The following DAG1 variants were observed in gnomAD, a reference collection of about 807,000 sequenced individuals.
The protein encoded by DAG1 is dystroglycan 1 (dystrophin-associated glycoprotein 1).
In DAG1, 8 loss-of-function variants were observed where a neutral mutation model predicts 46.1. The ratio of observed to expected loss-of-function variants is 0.17; its 90% CI spans 0.10 to 0.31. The LOEUF (loss-of-function observed/expected upper bound fraction) is 0.31, where lower values mean the gene tolerates loss of function less well. DAG1 is among the 10% of genes least tolerant of loss of function. DAG1 has a pLI of 1.00. For synonymous variants in DAG1, 495 were observed against 481.8 expected (o/e 1.03, Z -0.36); for missense variants, 1,003 against 1,189.9 (o/e 0.84, Z 2.31).
chr3:49,484,542 G>A (rs1049090093), intron 1 of DAG1, among the ~76,000 whole-genome samples: 3 of 152,128 alleles, frequency 2.0e-5, no homozygotes, highest in African/African-American at 4.8e-5. Context: ...AAATGGCTCC[G>A]TATGCTTTCT....
chr3:49,490,719 GCTAC>G (rs2050159025), intron 1 of DAG1, among the ~76,000 whole-genome samples: 1 of 151,518 alleles, frequency 6.6e-6, no homozygotes, highest in South Asian at 2.1e-4. Context: ...GCAGGTGCAG[GCTAC>G]CATGCTGGCC....
intron 1 of DAG1, among the ~76,000 whole-genome samples, chr3:49,474,229 T>A (rs1296604896): frequency 6.6e-6 from 1 of 151,400 alleles, no homozygotes; most frequent in African/African-American, 2.4e-5. Flanking sequence ...TGATTTTTTT[T>A]ATTTTTAGTC....
chr3:49,493,904 G>A (rs1165286532), intron 1 of DAG1, among the ~76,000 whole-genome samples: 1 of 152,228 alleles, frequency 6.6e-6, no homozygotes, highest in Non-Finnish European at 1.5e-5. Context: ...GCAGAGCAGG[G>A]ATTGCGAGAA....
At chr3:49,516,526 TA>T (rs2050902663) in intron 2 of DAG1, among the ~76,000 whole-genome samples, 1 of 152,266 alleles carries the variant, frequency 6.6e-6, no homozygotes, top group Admixed American at 6.5e-5. Flanking sequence ...CCTGTCCCTC[TA>T]ACACTTGACT....
At chr3:49,489,401 C>T (rs993748629) in intron 1 of DAG1, among the ~76,000 whole-genome samples, 3 of 152,096 alleles carry the variant, frequency 2.0e-5, no homozygotes, top group Admixed American at 6.6e-5. Context: ...CCTTGAATTA[C>T]TTTTATTGCA....
intron 2 of DAG1, among the ~76,000 whole-genome samples, chr3:49,519,057 C>A (rs892396270): frequency 3.3e-5 from 5 of 152,164 alleles, no homozygotes; most frequent in African/African-American, 1.2e-4. Flanking sequence ...GCCAACCTGG[C>A]CTTCACTCAG....
At chr3:49,478,802 C>CTTTTTTTTTTTTTTTTTTTTTTTTTT (rs201202889) in intron 1 of DAG1, among the ~76,000 whole-genome samples, 2 of 75,998 alleles carry the variant, frequency 2.6e-5, no homozygotes, top group Non-Finnish European at 4.8e-5. Flanking sequence ...CGTCCCCTCC[C>CTTTTTTTTTTTTTTTTTTTTTTTTTT]TTTTTTTTTT....
At chr3:49,510,099 G>A (rs541665769) in intron 1 of DAG1, 179 of 312,602 alleles carry the variant, frequency 5.7e-4, no homozygotes, top group African/African-American at 3.4e-3. Flanking sequence ...TTTATTGAAT[G>A]TATCTGACTG....
intron 1 of DAG1, among the ~76,000 whole-genome samples, chr3:49,478,912 C>G (rs1392274004): frequency 7.1e-6 from 1 of 139,890 alleles, no homozygotes; most frequent in Non-Finnish European, 1.5e-5. Context: ...CTCCCGGGTT[C>G]AAGCGATTCT....
intron 1 of DAG1, among the ~76,000 whole-genome samples, chr3:49,474,619 T>C (rs1228066855): frequency 6.6e-6 from 1 of 152,088 alleles, no homozygotes; most frequent in Non-Finnish European, 1.5e-5. Context: ...ATGCTAGGAT[T>C]ACAGGCACGA....
At chr3:49,527,555 T>C (rs1434540739) in intron 2 of DAG1, among the ~76,000 whole-genome samples, 4 of 145,988 alleles carry the variant, frequency 2.7e-5, no homozygotes, top group Non-Finnish European at 1.5e-5. Flanking sequence ...CACGAAAAAT[T>C]AGCCAGGCGT....
chr3:49,506,748 T>C (rs2050615979), intron 1 of DAG1, among the ~76,000 whole-genome samples: 1 of 152,136 alleles, frequency 6.6e-6, no homozygotes, highest in South Asian at 2.1e-4. Context: ...GTTTTCATGA[T>C]AGATACTGGT....
At chr3:49,482,373 A>G (rs936730597) in intron 1 of DAG1, among the ~76,000 whole-genome samples, 5 of 152,204 alleles carry the variant, frequency 3.3e-5, no homozygotes, top group African/African-American at 1.2e-4. Context: ...AGCCGCTTGC[A>G]GTTGAGATAG....
intron 2 of DAG1, among the ~76,000 whole-genome samples, chr3:49,527,394 G>A (rs1383493603): frequency 6.6e-6 from 1 of 152,176 alleles, no homozygotes; most frequent in Non-Finnish European, 1.5e-5. Flanking sequence ...CACGGTGGCG[G>A]GCGCCTGTAG....
In DAG1 at chr3:49,510,530, C is replaced by T. The variant is rs755168020; in HGVS notation, c.-5C>T. Reference sequence around the variant, plus strand: ...ACTATCGACTTGAGCAAACTTGGACCTGGGATGAGGATGTCTGTGGGCCTC... The same window carrying T: ...ACTATCGACTTGAGCAAACTTGGACTTGGGATGAGGATGTCTGTGGGCCTC... On this transcript the variant is annotated 5_prime_UTR_variant, in exon 2 of 3. Transcript: ENST00000308775. 6 of 1,612,616 alleles carry T rather than the reference C, an allele frequency of 3.7e-6. No individual in the cohort carries two copies. The highest frequency in any genetic ancestry group is 1.7e-5 in the Admixed American group (1 of 59,974).
At chr3:49,496,572 G>A (rs1438046084) in intron 1 of DAG1, among the ~76,000 whole-genome samples, 5 of 151,966 alleles carry the variant, frequency 3.3e-5, no homozygotes, top group Admixed American at 6.6e-5. Context: ...ATATTGGCCA[G>A]GCTGGTCTTG....
Position 49,533,799 on chromosome 3 carries a change from C to T in DAG1, c.*600C>T, listed in dbSNP as rs56242255. On this transcript the variant is annotated 3_prime_UTR_variant, in exon 3 of 3. Coordinates refer to ENST00000308775, the MANE Select transcript of DAG1 (RefSeq NM_004393.6). ...CAGGGTGTTTCAAACTTAGAGAAGA[C>T]CAAGGGACAGTATTTTTTATCAAAG... 103 of 200,826 alleles carry T rather than the reference C, an allele frequency of 5.1e-4. No homozygotes were observed. Among genetic ancestry groups the T allele is most frequent in the Non-Finnish European group, 7.2e-4 (70 of 96,988 alleles). The allele number at this position is 200,826 out of a possible 1,614,324, so 12.4% of individuals were successfully genotyped here. A position where few individuals can be genotyped will look rare whatever the true frequency, so the allele number is the denominator to read the frequency against.
chr3:49,506,864 C>T (rs1057011591), intron 1 of DAG1, among the ~76,000 whole-genome samples: 1 of 151,358 alleles, frequency 6.6e-6, no homozygotes, highest in Non-Finnish European at 1.5e-5. Flanking sequence ...ATAGTCCTAG[C>T]TACTCAGGAG....
chr3:49,483,448 C>T (rs1242675727), intron 1 of DAG1, among the ~76,000 whole-genome samples: 4 of 152,080 alleles, frequency 2.6e-5, no homozygotes, highest in Non-Finnish European at 5.9e-5. Context: ...AGATGATCTG[C>T]CTGCCTCGGC....
Sources: gnomAD v4.1 joint callset for allele counts (sites outside exome capture counted in the v4.1 genomes callset) on GRCh38, gnomAD v4.1.1 for gene constraint, MANE v1.5 for transcripts, NCBI Gene and HGNC (gene_info 2026-07-23, HGNC 2026-07-21) for gene names.